Variants in XPOT observed in about 807,000 individuals in gnomAD.
XPOT encodes exportin for tRNA, also known as exportin-T.
XPOT carries 34 observed loss-of-function variants against 128.2 expected under a neutral mutation model. The ratio of observed to expected loss-of-function variants is 0.27; its 90% CI spans 0.20 to 0.35. The LOEUF (loss-of-function observed/expected upper bound fraction) is 0.35, where lower values mean the gene tolerates loss of function less well. XPOT is among the 10% of genes least tolerant of loss of function. The pLI is 1.00. For synonymous variants in XPOT, 348 were observed against 394.3 expected (o/e 0.88, Z 1.39); for missense variants, 838 against 1,125.3 (o/e 0.74, Z 3.65).
At chr12:64,427,710 C>T (rs1320515217) in intron 15 of XPOT, among the ~76,000 whole-genome samples, 3 of 152,022 alleles carry the variant, frequency 2.0e-5, no homozygotes, top group Admixed American at 6.6e-5. Context: ...CCAGCCTGGT[C>T]TCAAATTCTT....
At chr12:64,436,509 C>T (rs930857620) in intron 22 of XPOT, among the ~76,000 whole-genome samples, 13 of 151,306 alleles carry the variant, frequency 8.6e-5, no homozygotes, top group Admixed American at 5.9e-4. Context: ...GATCTGCCCA[C>T]GATGGCATCC....
intron 24 of XPOT, among the ~76,000 whole-genome samples, chr12:64,446,212 G>T (rs1037564416): frequency 6.6e-6 from 1 of 152,188 alleles, no homozygotes; most frequent in African/African-American, 2.4e-5. Context: ...GTCTGTAACA[G>T]TAGATCTAGG....
At chr12:64,406,138 C>T (rs1348906991) in intron 1 of XPOT, among the ~76,000 whole-genome samples, 2 of 152,210 alleles carry the variant, frequency 1.3e-5, no homozygotes, top group Admixed American at 6.5e-5. Flanking sequence ...TGCAATGACA[C>T]GATCTCCGCT....
intron 3 of XPOT, among the ~76,000 whole-genome samples, chr12:64,415,882 T>C (rs946711765): frequency 6.6e-6 from 1 of 152,258 alleles, no homozygotes; most frequent in East Asian, 1.9e-4. Context: ...AAGATATTTG[T>C]CCCCGCCTCT....
At position 64,449,028 on chromosome 12, in the gene XPOT, A is replaced by T. The variant is rs1592345063; in HGVS notation, c.*897A>T. 6.6e-6 allele frequency: 1 copy of T among 152,220 alleles called. No individual in the cohort carries two copies. The highest frequency in any genetic ancestry group is 1.9e-4 in the East Asian group (1 of 5,162). 9.4% of individuals were successfully genotyped at this position (152,220 alleles called of 1,614,324 possible). A position where few individuals can be genotyped will look rare whatever the true frequency, so the allele number is the denominator to read the frequency against. On this transcript the variant is annotated 3_prime_UTR_variant, in exon 25 of 25. Coordinates refer to ENST00000332707, the MANE Select transcript of XPOT (RefSeq NM_007235.6). The stretch of plus-strand genomic sequence containing the variant: ...AGCCTGGCCAACATGGTGAAACCCC[A>T]TCTCTACTAAAAATACAACAGCCAG...
intron 22 of XPOT, among the ~76,000 whole-genome samples, chr12:64,436,836 T>C (rs919112932): frequency 1.3e-5 from 2 of 152,236 alleles, no homozygotes; most frequent in South Asian, 2.1e-4. Flanking sequence ...CTGCCTTGGC[T>C]TCCCAAAATG....
chr12:64,428,123 A>G lies in XPOT; in HGVS notation c.1737+3A>G. On this transcript the variant is annotated splice_donor_region_variant and intron_variant, in intron 16 of 24. Coordinates refer to ENST00000332707, the MANE Select transcript of XPOT (RefSeq NM_007235.6). ...ATTTATTAGAGCTTTCTCCACCTGT[A>G]AGTATCTGTCTCTTTAAGATATTTT... is the stretch of plus-strand genomic sequence containing the variant. 1 of 1,530,158 alleles carries G rather than the reference A, an allele frequency of 6.5e-7. No individual in the cohort carries two copies. Among genetic ancestry groups the G allele is most frequent in the Non-Finnish European group, 9.0e-7 (1 of 1,106,816 alleles). 94.8% of individuals were successfully genotyped at this position (1,530,158 alleles called of 1,614,324 possible). A position where few individuals can be genotyped will look rare whatever the true frequency, so the allele number is the denominator to read the frequency against.
chr12:64,433,891 T>C (rs2040260056), intron 19 of XPOT, among the ~76,000 whole-genome samples: 1 of 152,228 alleles, frequency 6.6e-6, no homozygotes, highest in African/African-American at 2.4e-5. Flanking sequence ...TGAGTCTTTA[T>C]GGCAAATTTG....
intron 1 of XPOT, among the ~76,000 whole-genome samples, chr12:64,406,106 C>G (rs563663462): frequency 3.3e-5 from 5 of 152,180 alleles, no homozygotes; most frequent in Non-Finnish European, 7.3e-5. Context: ...CACAGTGTCT[C>G]ACTCTGTCGC....
rs2040401683 is a variant in XPOT at position 64,450,403 on chromosome 12, TCA to T, written c.*2275_*2276del. The T allele has an allele frequency of 6.6e-6, 1 of 152,158 alleles. No individual in the cohort carries two copies. The allele number at this position is 152,158 out of a possible 1,614,324, so 9.4% of individuals were successfully genotyped here. A position where few individuals can be genotyped will look rare whatever the true frequency, so the allele number is the denominator to read the frequency against. On this transcript the variant is annotated 3_prime_UTR_variant, in exon 25 of 25. Coordinates refer to ENST00000332707, the MANE Select transcript of XPOT (RefSeq NM_007235.6). Reference sequence around the variant, plus strand: ...GCCTCAAGCAATCCTCCCACTGGCCTCACAATGTTGGGATTACAGGTATAAGC... The same window carrying T: ...GCCTCAAGCAATCCTCCCACTGGCCTCAATGTTGGGATTACAGGTATAAGC...
chr12:64,435,053 A>G (rs2040271081), intron 21 of XPOT, 144 bp downstream of exon 21: 1 of 669,422 alleles, frequency 1.5e-6, no homozygotes, highest in Non-Finnish European at 2.5e-6. Flanking sequence ...TTAAAGATTT[A>G]TGATACCTTC....
At chr12:64,414,731 T>G (rs2040071865) in intron 2 of XPOT, among the ~76,000 whole-genome samples, 176 bp from the exon 3 acceptor site, 1 of 152,220 alleles carries the variant, frequency 6.6e-6, no homozygotes, top group East Asian at 1.9e-4. Flanking sequence ...TAACCTATTT[T>G]TAGGAATGAC....
In XPOT at chr12:64,416,505, G is replaced by A. The variant is rs184584090; in HGVS notation, c.144-193G>A. ...ATTTAATGGAAATTTTAAATATTGT[G>A]TAATATTTAGAGTTCTCATAGCTTT... On this transcript the variant is annotated intron_variant, in intron 3 of 24. Coordinates refer to ENST00000332707, the MANE Select transcript of XPOT (RefSeq NM_007235.6). Among the ~76,000 whole-genome samples, 601 of 152,230 alleles carry A rather than the reference G, an allele frequency of 3.9e-3. 14 individuals carry two copies. The highest frequency in any genetic ancestry group is 2.3e-3 in the Non-Finnish European group (158 of 68,010).
rs1292102797 is a variant in XPOT at position 64,450,871 on chromosome 12, A to G, written c.*2740A>G. 2.6e-5 allele frequency: 4 copies of G among 152,256 alleles called. No individual in the cohort carries two copies. The highest frequency in any genetic ancestry group is 2.1e-4 in the South Asian group (1 of 4,834). 9.4% of individuals were successfully genotyped at this position (152,256 alleles called of 1,614,324 possible). ...AATTGCTTCCCAGTTGGTTGACCTT[A>G]TAAGAAAACACTGTGTGGTATTTTA... On this transcript the variant is annotated 3_prime_UTR_variant, in exon 25 of 25. Coordinates refer to ENST00000332707, the MANE Select transcript of XPOT (RefSeq NM_007235.6).
chr12:64,422,984 T>C (rs372171125), intron 9 of XPOT, 21 bp from the exon 10 acceptor site: 2 of 1,610,894 alleles, frequency 1.2e-6, no homozygotes, highest in African/African-American at 2.7e-5. Context: ...ACCTAATAAG[T>C]TATTGCTTCC....
intron 1 of XPOT, 119 bp from the exon 2 acceptor site, chr12:64,409,843 A>G (rs11175382): frequency 0.16 from 82,704 of 532,128 alleles, 6,823 homozygotes; most frequent in Middle Eastern, 0.21. Context: ...GATAAGTTCC[A>G]AAATAAGTTT....
intron 2 of XPOT, among the ~76,000 whole-genome samples, chr12:64,411,468 T>A (rs1018510840): frequency 2.0e-5 from 3 of 152,246 alleles, no homozygotes; most frequent in Non-Finnish European, 2.9e-5. Context: ...CCAATTTTTT[T>A]AAATGTGCCA....
Position 64,418,052 on chromosome 12 carries a change from A to C in XPOT, c.207A>C (p.Ser69=), listed in dbSNP as rs773381331. 3 of 1,612,072 alleles carry C rather than the reference A, an allele frequency of 1.9e-6. No individual in the cohort carries two copies. The highest frequency in any genetic ancestry group is 1.7e-6 in the Non-Finnish European group (2 of 1,179,018). Reference sequence around the variant, plus strand: ...TCTTCTCTATTTTGAACAGATACTCAGAACTAACCACTGTTCAACAACAGC... The same window carrying C: ...TCTTCTCTATTTTGAACAGATACTCCGAACTAACCACTGTTCAACAACAGC... The part of the protein sequence containing the change: ...VLEHQVKYKY[S]ELTTVQQQLI... The change falls in exon 5 of 25, where the codon TCA becomes TCC. Residue 69 remains serine (S), a synonymous_variant. Coordinates refer to ENST00000332707, the MANE Select transcript of XPOT (RefSeq NM_007235.6).
At position 64,425,390 on chromosome 12, in the gene XPOT, T is replaced by C; in HGVS notation, c.1505T>C (p.Phe502Ser). The C allele has an allele frequency of 1.2e-6, 2 of 1,613,658 alleles. No individual in the cohort carries two copies. The highest frequency in any genetic ancestry group is 1.7e-6 in the Non-Finnish European group (2 of 1,179,972). The change falls in exon 14 of 25, where the codon TTC becomes TCC. Residue 502 changes from phenylalanine to serine, a missense_variant. Coordinates refer to ENST00000332707, the MANE Select transcript of XPOT (RefSeq NM_007235.6). The stretch of plus-strand genomic sequence containing the variant: ...CAGCATACATCTGTGACATTGGAGT[T>C]CTTCGAAACTGTTGTTAGATATGAA... The part of the protein sequence containing the change: ...SYQHTSVTLE[F>S]FETVVRYEKF...
Sources: gnomAD v4.1 joint callset for allele counts (sites outside exome capture counted in the v4.1 genomes callset) on GRCh38, gnomAD v4.1.1 for gene constraint, MANE v1.5 for transcripts, NCBI Gene and HGNC (gene_info 2026-07-23, HGNC 2026-07-21) for gene names.